The following ESR1 variants were observed in gnomAD, a reference collection of about 807,000 sequenced individuals.
ESR1 encodes the protein estrogen receptor 1.
Under a neutral mutation model 52.7 loss-of-function variants are expected in ESR1, and 12 were observed. That is an observed-to-expected ratio of 0.23 (90% confidence interval 0.15 to 0.37). ESR1 has a LOEUF of 0.37. Among genes scored for constraint, ESR1 ranks in the 10% least tolerant of loss-of-function variants. ESR1 has a pLI of 1.00. For missense variants in ESR1, 584 were observed against 779.7 expected (o/e 0.75, Z 2.99); for synonymous variants, 305 against 316.8 (o/e 0.96, Z 0.39).
At chr6:151,801,654 C>T (rs1777256592), upstream of ESR1, among the ~76,000 whole-genome samples, 1 of 152,170 alleles carries the variant, frequency 6.6e-6, no homozygotes, top group Non-Finnish European at 1.5e-5. Context: ...TTAAAGAATA[C>T]TGATTCCATT....
chr6:151,876,689 T>C (rs1235491502), intron 2 of ESR1, among the ~76,000 whole-genome samples: 1 of 152,178 alleles, frequency 6.6e-6, no homozygotes, highest in Non-Finnish European at 1.5e-5. Flanking sequence ...CGGTGATTCC[T>C]ACTGAGAGGC....
intron 2 of ESR1, among the ~76,000 whole-genome samples, chr6:151,851,050 C>T (rs1265970254): frequency 6.6e-5 from 10 of 152,104 alleles, no homozygotes; most frequent in Admixed American, 6.6e-4. Context: ...CCTCCATAGC[C>T]CATGGAATGG....
intron 2 of ESR1, among the ~76,000 whole-genome samples, chr6:151,773,236 C>T (rs56042811): frequency 0.033 from 5,093 of 152,218 alleles, 100 homozygotes; most frequent in East Asian, 0.047. Context: ...TATAAGCCAA[C>T]GAACCCCAAA....
intron 3 of ESR1, among the ~76,000 whole-genome samples, chr6:151,937,706 A>G (rs962344201): frequency 2.6e-5 from 4 of 152,182 alleles, no homozygotes; most frequent in Admixed American, 6.5e-5. Flanking sequence ...ACTAATAATA[A>G]TAATCTATAA....
intron 1 of ESR1, among the ~76,000 whole-genome samples, chr6:151,657,509 G>A (rs1777495734): frequency 6.6e-6 from 1 of 152,146 alleles, no homozygotes; most frequent in Non-Finnish European, 1.5e-5. Context: ...GGATAATGTT[G>A]CTGTACTAAC....
intron 5 of ESR1, among the ~76,000 whole-genome samples, chr6:152,027,199 C>G (rs553335744): frequency 1.6e-4 from 24 of 152,256 alleles, no homozygotes; most frequent in African/African-American, 5.5e-4. Context: ...TTCCTGACCT[C>G]AAGTGATCCA....
chr6:151,815,651 G>A (rs1036861836), intron 1 of ESR1, among the ~76,000 whole-genome samples: 6 of 152,232 alleles, frequency 3.9e-5, no homozygotes, highest in African/African-American at 1.4e-4. Flanking sequence ...TCCAAGTACA[G>A]TCGGCCCTCA....
At chr6:151,970,912 C>G (rs1012518333) in intron 4 of ESR1, among the ~76,000 whole-genome samples, 1 of 152,192 alleles carries the variant, frequency 6.6e-6, no homozygotes, top group Non-Finnish European at 1.5e-5. Flanking sequence ...TTCTCCACCT[C>G]TATCCCAATA....
At chr6:152,046,478 A>T (rs538819182) in intron 5 of ESR1, among the ~76,000 whole-genome samples, 1 of 152,340 alleles carries the variant, frequency 6.6e-6, no homozygotes, top group South Asian at 2.1e-4. Flanking sequence ...TTCAAGAAAC[A>T]AACTAGTATT....
intron 2 of ESR1, among the ~76,000 whole-genome samples, chr6:151,743,245 G>T (rs1197623825): frequency 3.3e-5 from 5 of 152,136 alleles, no homozygotes; most frequent in African/African-American, 1.2e-4. Context: ...GCAAGGGCAT[G>T]TAGGGCTTGG....
chr6:151,694,099 C>T (rs548025167), intron 1 of ESR1, among the ~76,000 whole-genome samples: 2 of 152,154 alleles, frequency 1.3e-5, no homozygotes, highest in African/African-American at 4.8e-5. Flanking sequence ...CTCACAGCAA[C>T]CCCAGGTGGT....
intron 1 of ESR1, among the ~76,000 whole-genome samples, chr6:151,666,125 C>T (rs906934916): frequency 4.6e-5 from 7 of 152,106 alleles, no homozygotes; most frequent in African/African-American, 1.7e-4. Context: ...AACTGGCATT[C>T]TGAAATTGAT....
chr6:151,904,672 A>T (rs1430193680), intron 3 of ESR1, among the ~76,000 whole-genome samples: 2 of 152,232 alleles, frequency 1.3e-5, no homozygotes, highest in Non-Finnish European at 2.9e-5. Flanking sequence ...TGAAAGATTT[A>T]AAAATGTGCT....
intron 2 of ESR1, among the ~76,000 whole-genome samples, chr6:151,778,067 G>A (rs543383242): frequency 1.6e-4 from 25 of 152,324 alleles, no homozygotes; most frequent in African/African-American, 5.5e-4. Flanking sequence ...GACGCAATTG[G>A]TTCCTCGTCT....
chr6:151,920,788 A>G (rs1308165535), intron 3 of ESR1, among the ~76,000 whole-genome samples: 1 of 152,178 alleles, frequency 6.6e-6, no homozygotes, highest in Non-Finnish European at 1.5e-5. Context: ...CATGCCATCA[A>G]TATGACTTAT....
chr6:151,825,425 C>T (rs1781314819), intron 1 of ESR1, among the ~76,000 whole-genome samples: 1 of 152,178 alleles, frequency 6.6e-6, no homozygotes, highest in East Asian at 1.9e-4. Flanking sequence ...GAATATAGGT[C>T]AGATAACTAA....
At chr6:152,050,455 A>T (rs537717859) in intron 5 of ESR1, among the ~76,000 whole-genome samples, 3 of 152,266 alleles carry the variant, frequency 2.0e-5, no homozygotes, top group Admixed American at 6.5e-5. Flanking sequence ...TATTTTAAAA[A>T]TTTCTCTTAT....
intron 1 of ESR1, among the ~76,000 whole-genome samples, chr6:151,698,857 A>T (rs976703298): frequency 2.0e-5 from 3 of 152,238 alleles, no homozygotes; most frequent in Non-Finnish European, 4.4e-5. Flanking sequence ...ATAACATTCA[A>T]CAGGAAGAAC....
chr6:152,032,755 A>G (rs555994176), intron 5 of ESR1, among the ~76,000 whole-genome samples: 1 of 152,346 alleles, frequency 6.6e-6, no homozygotes, highest in South Asian at 2.1e-4. Context: ...CCATCAAGCT[A>G]CCAATGACTT....
Sources: gnomAD v4.1 joint callset for allele counts (sites outside exome capture counted in the v4.1 genomes callset) on GRCh38, gnomAD v4.1.1 for gene constraint, MANE v1.5 for transcripts, NCBI Gene and HGNC (gene_info 2026-07-23, HGNC 2026-07-21) for gene names.